The following ZNF664 variants were observed in gnomAD, a reference collection of about 807,000 sequenced individuals.
The protein encoded by ZNF664 is zinc finger protein 664, also known as zinc finger Organ of Corti 1.
Under a neutral mutation model 18.2 loss-of-function variants are expected in ZNF664, and 10 were observed. The observed-to-expected ratio is 0.55, with a 90% CI of 0.34 to 0.93. The LOEUF (loss-of-function observed/expected upper bound fraction) is 0.93. Among genes scored for constraint, ZNF664 ranks in the 40% least tolerant of loss-of-function variants. The pLI, the probability that ZNF664 is intolerant of heterozygous loss-of-function variation, is 0.02. For missense variants in ZNF664, 193 were observed against 319.0 expected, an observed-to-expected ratio of 0.61 and a Z score of 3.01; for synonymous variants, 119 against 104.2, an observed-to-expected ratio of 1.14 and a Z score of -0.86.
chr12:123,985,064 G>A (rs1237862500), intron 2 of ZNF664, among the ~76,000 whole-genome samples: 3 of 152,050 alleles, frequency 2.0e-5, no homozygotes, highest in African/African-American at 7.2e-5. Flanking sequence ...TAGTGGGGGT[G>A]GGGGTACAGA....
intron 2 of ZNF664, among the ~76,000 whole-genome samples, chr12:123,986,580 T>C (rs998849529): frequency 6.6e-6 from 1 of 152,242 alleles, no homozygotes; most frequent in Non-Finnish European, 1.5e-5. Flanking sequence ...ATAACCTCAT[T>C]CTCTCAGTAT....
chr12:123,978,059 G>A (rs958182465), intron 2 of ZNF664, among the ~76,000 whole-genome samples: 1 of 152,004 alleles, frequency 6.6e-6, no homozygotes, highest in African/African-American at 2.4e-5. Flanking sequence ...GGCACCTACA[G>A]GGCACTCAAA....
In ZNF664 at chr12:124,013,752, C is replaced by T. The variant is rs1451317692; in HGVS notation, c.*822C>T. 1 of 167,108 alleles carries T rather than the reference C, an allele frequency of 6.0e-6. No individual in the cohort carries two copies. The highest frequency in any genetic ancestry group is 1.5e-5 in the Non-Finnish European group (1 of 68,140). 10.4% of individuals were successfully genotyped at this position (167,108 alleles called of 1,614,324 possible). A position where few individuals can be genotyped will look rare whatever the true frequency, so the allele number is the denominator to read the frequency against. On this transcript the variant is annotated 3_prime_UTR_variant, in exon 5 of 5. Transcript: ENST00000337815. Reference sequence around the variant, plus strand: ...GAGAGCTTTTCTTCATCCAGAATTGCCCTCTGGGCTCCTTTGGTAACAGAT... The same window carrying T: ...GAGAGCTTTTCTTCATCCAGAATTGTCCTCTGGGCTCCTTTGGTAACAGAT...
intron 2 of ZNF664, among the ~76,000 whole-genome samples, chr12:123,978,296 G>C (rs1308449561): frequency 1.3e-5 from 2 of 152,192 alleles, no homozygotes; most frequent in South Asian, 2.1e-4. Context: ...ACACACAGGT[G>C]GTTATAGGAT....
chr12:123,982,354 T>G (rs825469), intron 2 of ZNF664, among the ~76,000 whole-genome samples: 4 of 152,178 alleles, frequency 2.6e-5, no homozygotes, highest in Non-Finnish European at 5.9e-5. Context: ...GGGAAGTTGG[T>G]GGCAGTCAGT....
intron 2 of ZNF664, among the ~76,000 whole-genome samples, chr12:123,981,466 C>T (rs1956764387): frequency 6.6e-6 from 1 of 152,146 alleles, no homozygotes; most frequent in Non-Finnish European, 1.5e-5. Flanking sequence ...AGCATGTTAA[C>T]ATGCTCAGCC....
chr12:124,011,450 T>TA lies in ZNF664; in HGVS notation c.-600+10dup, dbSNP rs1566210140. 3 of 803,388 alleles carry TA rather than the reference T, an allele frequency of 3.7e-6. No homozygotes were observed. Among genetic ancestry groups the TA allele is most frequent in the Admixed American group, 6.7e-5 (1 of 14,930 alleles). 49.8% of individuals were successfully genotyped at this position (803,388 alleles called of 1,614,324 possible). ...CTTCAAGACCAAAAAAGGTTTGTGT[T>TA]ACTGCTGTCACATTTATATAAAATT... On this transcript the variant is annotated intron_variant, in intron 4 of 4. Transcript: ENST00000337815.
intron 3 of ZNF664, among the ~76,000 whole-genome samples, chr12:123,996,732 A>G (rs779460278): frequency 6.3e-4 from 96 of 152,306 alleles, no homozygotes; most frequent in Non-Finnish European, 1.0e-3. Flanking sequence ...GCAGTGGCCA[A>G]TTAGATTGCA....
In ZNF664 at chr12:123,988,046, G is replaced by A; in HGVS notation, c.-753G>A. On this transcript the variant is annotated 5_prime_UTR_variant, in exon 3 of 5. Transcript: ENST00000337815. ...TCTTTGCATTTCTCCCATCCAGCAG[G>A]ATCCTAAGGCCTTTGTAGTCCTTCA... 8.1e-7 allele frequency: 1 copy of A among 1,231,428 alleles called. No individual in the cohort carries two copies. The highest frequency in any genetic ancestry group is 3.2e-5 in the East Asian group (1 of 31,704). 76.3% of individuals were successfully genotyped at this position (1,231,428 alleles called of 1,614,324 possible). A position where few individuals can be genotyped will look rare whatever the true frequency, so the allele number is the denominator to read the frequency against.
At chr12:123,977,129 G>A (rs930005734) in intron 2 of ZNF664, among the ~76,000 whole-genome samples, 20 of 152,032 alleles carry the variant, frequency 1.3e-4, no homozygotes, top group Admixed American at 1.2e-3. Context: ...TTAAGAAGTG[G>A]GGATAAATAA....
In ZNF664 at chr12:123,973,978, G is replaced by T. The variant is rs913449785; in HGVS notation, c.-799G>T. ...GCGCAGAAGGCTGCTGCCGCCGGACGCCTCCATTGTTTGACCACAACAAGG... is the reference window on the plus strand; with the variant it reads ...GCGCAGAAGGCTGCTGCCGCCGGACTCCTCCATTGTTTGACCACAACAAGG... On this transcript the variant is annotated 5_prime_UTR_variant, in exon 2 of 5. Coordinates refer to ENST00000337815, the MANE Select transcript of ZNF664 (RefSeq NM_152437.3). 2.4e-6 allele frequency: 3 copies of T among 1,231,780 alleles called. No individual in the cohort carries two copies. Among genetic ancestry groups the T allele is most frequent in the African/African-American group, 3.1e-5 (2 of 64,438 alleles). The allele number at this position is 1,231,780 out of a possible 1,614,324, so 76.3% of individuals were successfully genotyped here. A position where few individuals can be genotyped will look rare whatever the true frequency, so the allele number is the denominator to read the frequency against.
At chr12:123,992,414 C>T (rs540886023) in intron 3 of ZNF664, among the ~76,000 whole-genome samples, 98 of 152,210 alleles carry the variant, frequency 6.4e-4, no homozygotes, top group African/African-American at 1.9e-3. Flanking sequence ...TAAGTTTGCC[C>T]TCATTCTGGA....
At chr12:123,991,673 A>G (rs1435579073) in intron 3 of ZNF664, among the ~76,000 whole-genome samples, 1 of 152,226 alleles carries the variant, frequency 6.6e-6, no homozygotes, top group African/African-American at 2.4e-5. Flanking sequence ...GCTCGATCAG[A>G]TCAGCCACAG....
intron 3 of ZNF664, among the ~76,000 whole-genome samples, chr12:124,010,196 C>G (rs568645779): frequency 6.6e-6 from 1 of 152,040 alleles, no homozygotes; most frequent in African/African-American, 2.4e-5. Context: ...TTTTGGGGAC[C>G]TAATTGAATT....
At chr12:123,990,457 T>C (rs1956876494) in intron 3 of ZNF664, among the ~76,000 whole-genome samples, 1 of 152,164 alleles carries the variant, frequency 6.6e-6, no homozygotes, top group Non-Finnish European at 1.5e-5. Flanking sequence ...TTCCTTCTTT[T>C]AGTTGGCTAG....
At position 124,013,323 on chromosome 12, in the gene ZNF664, C is replaced by T. The variant is rs534664301; in HGVS notation, c.*393C>T. The stretch of plus-strand genomic sequence containing the variant: ...TGAGGAGCTCATGCCCTTCCTTCCT[C>T]TTTATTCGAGCATACTGGCAATGCA... On this transcript the variant is annotated 3_prime_UTR_variant, in exon 5 of 5. Transcript: ENST00000337815. The T allele has an allele frequency of 1.7e-4, 36 of 209,238 alleles. No homozygotes were observed. Among genetic ancestry groups the T allele is most frequent in the African/African-American group, 8.0e-4 (34 of 42,582 alleles). The allele number at this position is 209,238 out of a possible 1,614,324, so 13.0% of individuals were successfully genotyped here. A position where few individuals can be genotyped will look rare whatever the true frequency, so the allele number is the denominator to read the frequency against.
At chr12:123,986,240 G>C (rs1377185461) in intron 2 of ZNF664, among the ~76,000 whole-genome samples, 2 of 152,184 alleles carry the variant, frequency 1.3e-5, no homozygotes, top group Non-Finnish European at 2.9e-5. Flanking sequence ...TTGTTGCAAA[G>C]AACAGAGTTT....
rs1957155836 is a variant in ZNF664 at position 124,013,403 on chromosome 12, A to G, written c.*473A>G. The stretch of plus-strand genomic sequence containing the variant: ...ACGTTCTGGTATTTCTGAGGTTAAC[A>G]CTTGATTTAGCCCCTACATATCTTT... On this transcript the variant is annotated 3_prime_UTR_variant, in exon 5 of 5. Coordinates refer to ENST00000337815, the MANE Select transcript of ZNF664 (RefSeq NM_152437.3). 3 of 182,746 alleles carry G rather than the reference A, an allele frequency of 1.6e-5. No homozygotes were observed. The South Asian group carries it at 4.4e-4, about 27-fold the overall frequency. 11.3% of individuals were successfully genotyped at this position (182,746 alleles called of 1,614,324 possible). A position where few individuals can be genotyped will look rare whatever the true frequency, so the allele number is the denominator to read the frequency against.
rs960135502 is a variant in ZNF664 at position 124,012,864 on chromosome 12, G to A, written c.720G>A (p.Thr240=). 9 of 1,613,862 alleles carry A rather than the reference G, an allele frequency of 5.6e-6. No homozygotes were observed. The highest frequency in any genetic ancestry group is 1.1e-5 in the South Asian group (1 of 91,070). The change falls in exon 5 of 5, where the codon ACG becomes ACA. Residue 240 remains threonine (T), a synonymous_variant. Coordinates refer to ENST00000337815, the MANE Select transcript of ZNF664 (RefSeq NM_152437.3). ...GCGGAAAGGCCTTCAGTCAGAGTAC[G>A]AGCCTCTGCATCCACCAGAGAGTCC... is the stretch of plus-strand genomic sequence containing the variant. ...DECGKAFSQS[T]SLCIHQRVHT...
Sources: gnomAD v4.1 joint callset for allele counts (sites outside exome capture counted in the v4.1 genomes callset) on GRCh38, gnomAD v4.1.1 for gene constraint, MANE v1.5 for transcripts, NCBI Gene and HGNC (gene_info 2026-07-23, HGNC 2026-07-21) for gene names.